ZNF569: variants seen among roughly 807,000 people sequenced by gnomAD.
ZNF569 encodes DNA-binding protein.
ZNF569 carries 38 observed loss-of-function variants against 56.3 expected under a neutral mutation model. The ratio of observed to expected loss-of-function variants is 0.68; its 90% CI spans 0.52 to 0.88. The LOEUF (loss-of-function observed/expected upper bound fraction) is 0.88, where lower values mean the gene tolerates loss of function less well. Among genes scored for constraint, ZNF569 ranks in the 40% least tolerant of loss-of-function variants. The pLI is 0.00. For missense variants in ZNF569, 666 were observed against 809.2 expected, an observed-to-expected ratio of 0.82 and a Z score of 2.15; for synonymous variants, 241 against 262.9, an observed-to-expected ratio of 0.92 and a Z score of 0.81.
chr19:37,430,273 AAGTT>A (rs1443274224), intron 3 of ZNF569, among the ~76,000 whole-genome samples: 6 of 152,116 alleles, frequency 3.9e-5, no homozygotes, highest in African/African-American at 1.4e-4. Context: ...ATTTAAGTAT[AAGTT>A]AGAGAGGAGA....
At chr19:37,444,061 G>T (rs759817601) in intron 3 of ZNF569, among the ~76,000 whole-genome samples, 1 of 151,992 alleles carries the variant, frequency 6.6e-6, no homozygotes, top group Non-Finnish European at 1.5e-5. Flanking sequence ...ATTTATGTAT[G>T]ACATGCATAG....
At chr19:37,467,817 C>A (rs1288075537), upstream of ZNF569, 2 of 1,489,522 alleles carry the variant, frequency 1.3e-6, no homozygotes, top group Non-Finnish European at 1.8e-6. Context: ...AATATGCGAC[C>A]TTTTGTGTGA....
chr19:37,413,778 C>T lies in ZNF569; in HGVS notation c.880G>A (p.Gly294Arg). 1 of 1,613,536 alleles carries T rather than the reference C, an allele frequency of 6.2e-7. No individual in the cohort carries two copies. The highest frequency in any genetic ancestry group is 8.5e-7 in the Non-Finnish European group (1 of 1,179,920). ...NLIDHEKIHT[G>R]EKPYECNECG... ...TCATTACATTCATAAGGTTTCTCTC[C>T]AGTATGAATTTTTTCATGATCAATA... The change falls in exon 6 of 6, where the codon GGA (glycine) becomes AGA (arginine). Residue 294 changes from glycine (G) to arginine (R), a missense_variant. Transcript: ENST00000316950.
chr19:37,449,162 C>G (rs959531825), intron 2 of ZNF569, among the ~76,000 whole-genome samples: 5 of 152,014 alleles, frequency 3.3e-5, no homozygotes, highest in Admixed American at 1.3e-4. Flanking sequence ...TAGTTTTATT[C>G]TGCTATGTTC....
intron 3 of ZNF569, among the ~76,000 whole-genome samples, chr19:37,443,570 G>C (rs75832502): frequency 0.14 from 21,961 of 152,114 alleles, 1,746 homozygotes; most frequent in Middle Eastern, 0.25. Flanking sequence ...TTACATTCTA[G>C]TGGTTAAAAT....
chr19:37,461,275 A>C (rs1005944154), intron 2 of ZNF569, among the ~76,000 whole-genome samples: 2 of 152,218 alleles, frequency 1.3e-5, no homozygotes. Flanking sequence ...AGTGGTAAGA[A>C]GAACTGTTCT....
intron 3 of ZNF569, among the ~76,000 whole-genome samples, chr19:37,428,249 G>A (rs556202938): frequency 6.6e-6 from 1 of 152,320 alleles, no homozygotes; most frequent in South Asian, 2.1e-4. Flanking sequence ...GCTCACGCCT[G>A]TAATTCTACC....
chr19:37,445,312 TA>T (rs1382458643), intron 2 of ZNF569, among the ~76,000 whole-genome samples: 2 of 152,142 alleles, frequency 1.3e-5, no homozygotes, highest in Non-Finnish European at 2.9e-5. Flanking sequence ...AATTAGCAAT[TA>T]AAAAAGAAGT....
At chr19:37,447,870 C>G (rs1052904928) in intron 2 of ZNF569, among the ~76,000 whole-genome samples, 4 of 152,054 alleles carry the variant, frequency 2.6e-5, no homozygotes, top group African/African-American at 9.7e-5. Context: ...TATGTTTATT[C>G]TCTTATTACA....
At chr19:37,467,755 A>G, upstream of ZNF569, 1 of 812,350 alleles carries the variant, frequency 1.2e-6, no homozygotes, top group Non-Finnish European at 2.0e-6. Context: ...TGGAATTTGG[A>G]GTGGGGTTTC....
At chr19:37,448,903 T>C (rs1332664044) in intron 2 of ZNF569, among the ~76,000 whole-genome samples, 2 of 152,148 alleles carry the variant, frequency 1.3e-5, no homozygotes, top group East Asian at 3.9e-4. Flanking sequence ...TTTGCTTGTT[T>C]CCCCTCTAGT....
Position 37,412,478 on chromosome 19 carries a change from C to A in ZNF569, c.*119G>T. 1 of 1,364,292 alleles carries A rather than the reference C, an allele frequency of 7.3e-7. No individual in the cohort carries two copies. Among genetic ancestry groups the A allele is most frequent in the Non-Finnish European group, 9.5e-7 (1 of 1,057,526 alleles). The allele number at this position is 1,364,292 out of a possible 1,614,324, so 84.5% of individuals were successfully genotyped here. On this transcript the variant is annotated 3_prime_UTR_variant, in exon 6 of 6. Transcript: ENST00000316950. ...TCTCTAATGTTTCATAAATTTGTGG[C>A]TTTTTCAGAAGGCTATCCCACATTC...
At chr19:37,464,232 C>T (rs2112921) in intron 2 of ZNF569, among the ~76,000 whole-genome samples, 12,106 of 152,110 alleles carry the variant, frequency 0.08, 719 homozygotes, top group African/African-American at 0.17. Flanking sequence ...CTCTGTTGCC[C>T]AGGATGGAGT....
chr19:37,437,132 C>G (rs1181990592), intron 3 of ZNF569, among the ~76,000 whole-genome samples: 1 of 151,886 alleles, frequency 6.6e-6, no homozygotes, highest in Non-Finnish European at 1.5e-5. Context: ...GACAATACAT[C>G]ATGACCAAGT....
intron 3 of ZNF569, among the ~76,000 whole-genome samples, chr19:37,444,303 T>C (rs777545611): frequency 1.3e-5 from 2 of 152,216 alleles, no homozygotes; most frequent in African/African-American, 2.4e-5. Flanking sequence ...CCCTATGATA[T>C]ATACTTTTTT....
chr19:37,429,380 A>G lies in ZNF569; in HGVS notation c.16-3002T>C, dbSNP rs73631050. Reference sequence around the variant, plus strand: ...AGAATGGCAGAGCAATGAAGGAGAAAGAGTTTCGTTCTCTGCCCTTTGGAG... The same window carrying G: ...AGAATGGCAGAGCAATGAAGGAGAAGGAGTTTCGTTCTCTGCCCTTTGGAG... On this transcript the variant is annotated intron_variant, in intron 3 of 5. Coordinates refer to ENST00000316950, the MANE Select transcript of ZNF569 (RefSeq NM_152484.3). Among the ~76,000 whole-genome samples the G allele has an allele frequency of 8.9e-3, 1,351 of 152,370 alleles. 20 individuals carry two copies. The highest frequency in any genetic ancestry group is 0.031 in the African/African-American group (1,276 of 41,586).
At chr19:37,444,356 G>A (rs188950054) in intron 3 of ZNF569, among the ~76,000 whole-genome samples, 98 of 152,210 alleles carry the variant, frequency 6.4e-4, no homozygotes, top group Non-Finnish European at 1.0e-3. Flanking sequence ...ATCTATCCAT[G>A]TTGGTTGTTG....
chr19:37,446,515 A>G (rs2041497935), intron 2 of ZNF569, among the ~76,000 whole-genome samples: 2 of 142,708 alleles, frequency 1.4e-5, no homozygotes, highest in East Asian at 4.1e-4. Context: ...ACACCACTGC[A>G]CTCCAGCCTG....
intron 5 of ZNF569, among the ~76,000 whole-genome samples, chr19:37,425,317 A>ATT (rs1491209595): frequency 6.2e-5 from 8 of 129,260 alleles, no homozygotes; most frequent in Non-Finnish European, 9.6e-5. Context: ...ACACGTGGCT[A>ATT]ATTTTTTTTT....
Sources: allele counts gnomAD v4.1 joint callset (sites outside exome capture counted in the v4.1 genomes callset), GRCh38; gene constraint gnomAD v4.1.1; transcripts MANE v1.5; gene names NCBI Gene and HGNC (gene_info 2026-07-23, HGNC 2026-07-21).